Variants in NEDD4 observed in about 807,000 individuals in gnomAD.
The protein encoded by NEDD4 is NEDD4 E3 ubiquitin protein ligase.
NEDD4 carries 99 observed loss-of-function variants against 144.9 expected under a neutral mutation model. The observed-to-expected ratio is 0.68, with a 90% confidence interval of 0.58 to 0.81. The LOEUF is 0.81. Among genes scored for constraint, NEDD4 ranks in the 30% least tolerant of loss-of-function variants. The pLI, the probability that NEDD4 is intolerant of heterozygous loss-of-function variation, is 0.00. For synonymous variants in NEDD4, 318 were observed against 350.6 expected (o/e 0.91, Z 1.04); for missense variants, 985 against 1,065.9 (o/e 0.92, Z 1.06).
At chr15:55,901,042 T>C (rs2035899365) in intron 5 of NEDD4, among the ~76,000 whole-genome samples, 2 of 152,146 alleles carry the variant, frequency 1.3e-5, no homozygotes, top group East Asian at 3.9e-4. Flanking sequence ...TAGCGAAAAC[T>C]GGTATCTAAC....
chr15:55,904,030 C>T (rs1327411301), intron 5 of NEDD4, among the ~76,000 whole-genome samples: 1 of 151,602 alleles, frequency 6.6e-6, no homozygotes, highest in African/African-American at 2.4e-5. Flanking sequence ...GATGTGGTGG[C>T]GGGCACCAGT....
intron 24 of NEDD4, among the ~76,000 whole-genome samples, chr15:55,834,505 T>C (rs552732883): frequency 4.8e-4 from 71 of 148,470 alleles, no homozygotes; most frequent in African/African-American, 1.6e-3. Context: ...TTTTAAAACT[T>C]CCTGTGGCCA....
intron 4 of NEDD4, among the ~76,000 whole-genome samples, chr15:55,944,946 A>G (rs551571309): frequency 2.0e-4 from 31 of 152,294 alleles, no homozygotes; most frequent in African/African-American, 7.2e-4. Flanking sequence ...AAACTAACAA[A>G]CACAAAGGAA....
intron 5 of NEDD4, among the ~76,000 whole-genome samples, chr15:55,903,134 A>ACATT (rs1389142099): frequency 6.6e-6 from 1 of 152,212 alleles, no homozygotes; most frequent in East Asian, 1.9e-4. Context: ...TCTGGACTAT[A>ACATT]CATTCTTCAG....
chr15:55,885,975 A>G (rs1248918973), intron 5 of NEDD4, among the ~76,000 whole-genome samples: 1 of 152,140 alleles, frequency 6.6e-6, no homozygotes, highest in African/African-American at 2.4e-5. Flanking sequence ...TTTCACCTAT[A>G]AAGACATAAA....
chr15:55,910,934 A>G (rs1485150849), intron 5 of NEDD4, among the ~76,000 whole-genome samples: 3 of 121,794 alleles, frequency 2.5e-5, no homozygotes, highest in Non-Finnish European at 5.3e-5. Context: ...CCATTGCCCA[A>G]CTACTTAACT....
At chr15:55,967,466 G>GTGTGTGTGTGTA (rs2142331589) in intron 1 of NEDD4, among the ~76,000 whole-genome samples, 1 of 144,260 alleles carries the variant, frequency 6.9e-6, no homozygotes, top group Admixed American at 7.0e-5. Context: ...GTGTGTGTGT[G>GTGTGTGTGTGTA]TGTGTGTGTA....
At chr15:55,908,802 A>T (rs1201298733) in intron 5 of NEDD4, among the ~76,000 whole-genome samples, 1 of 152,206 alleles carries the variant, frequency 6.6e-6, no homozygotes. Context: ...CTACACAGGA[A>T]GCTGAGGCAA....
At chr15:55,893,646 T>C (rs573156887) in intron 5 of NEDD4, among the ~76,000 whole-genome samples, 5 of 151,454 alleles carry the variant, frequency 3.3e-5, no homozygotes, top group Admixed American at 6.6e-5. Flanking sequence ...CGCACATGAG[T>C]GTCTCAGAAA....
rs538893893 is a variant in NEDD4, at chr15:55,971,713, A to T, written c.46-5167T>A. On this transcript the variant is annotated intron_variant, in intron 1 of 28. Coordinates refer to ENST00000435532, the MANE Select transcript of NEDD4 (RefSeq NM_006154.4). ...TTTATTCAGAGAAATAATAACAAAGAACTTTCTAGGCCTAGAAAAAGATAT... is the reference window on the plus strand; with the variant it reads ...TTTATTCAGAGAAATAATAACAAAGTACTTTCTAGGCCTAGAAAAAGATAT... Among the ~76,000 whole-genome samples the T allele has an allele frequency of 3.9e-5, 6 of 152,236 alleles. No individual in the cohort carries two copies. In the South Asian group the frequency reaches 1.2e-3, roughly 32 times the overall value.
At chr15:55,951,317 T>C (rs1473004742) in intron 4 of NEDD4, 59 bp downstream of exon 4, 3 of 712,330 alleles carry the variant, frequency 4.2e-6, no homozygotes, top group Non-Finnish European at 6.8e-6. Flanking sequence ...TTTATCATTC[T>C]AACCTCCTAA....
chr15:55,939,443 T>C lies in NEDD4; in HGVS notation c.237+11933A>G, dbSNP rs80088766. 5.9e-5 allele frequency among the ~76,000 whole-genome samples: 9 copies of C among 152,192 alleles called. No homozygotes were observed. In the East Asian group the frequency reaches 1.2e-3, roughly 20 times the overall value. On this transcript the variant is annotated intron_variant, in intron 4 of 28. Coordinates refer to ENST00000435532, the MANE Select transcript of NEDD4 (RefSeq NM_006154.4). ...GGAACTGTGAGTCAGTTAAACCTCCTTTGTTTATAAATTACCCAGTCTCAG... is the reference window on the plus strand; with the variant it reads ...GGAACTGTGAGTCAGTTAAACCTCCCTTGTTTATAAATTACCCAGTCTCAG...
At chr15:55,839,558 A>C (rs945419871) in intron 21 of NEDD4, among the ~76,000 whole-genome samples, 3 of 152,180 alleles carry the variant, frequency 2.0e-5, no homozygotes, top group South Asian at 2.1e-4. Flanking sequence ...GTGAACACAC[A>C]TTGTGTGAGG....
chr15:55,847,888 C>T (rs775267675), intron 17 of NEDD4, among the ~76,000 whole-genome samples: 37 of 152,014 alleles, frequency 2.4e-4, no homozygotes, highest in Non-Finnish European at 3.7e-4. Context: ...CCACGTTGGC[C>T]GGGCCGGTCT....
intron 13 of NEDD4, among the ~76,000 whole-genome samples, chr15:55,851,405 A>G (rs1233891360): frequency 6.6e-6 from 1 of 151,928 alleles, no homozygotes; most frequent in East Asian, 1.9e-4. Context: ...ACCTCATTCT[A>G]TAAAATAAAA....
At chr15:55,941,045 T>A (rs543532244) in intron 4 of NEDD4, among the ~76,000 whole-genome samples, 1 of 152,308 alleles carries the variant, frequency 6.6e-6, no homozygotes, top group African/African-American at 2.4e-5. Context: ...TAAAATTAGT[T>A]ACAATATTAC....
chr15:55,869,816 A>C (rs530693630), intron 7 of NEDD4, 135 bp from the exon 8 acceptor site: 1 of 528,172 alleles, frequency 1.9e-6, no homozygotes, highest in South Asian at 2.7e-5. Context: ...TCCAGGGCAG[A>C]AGATATCTAG....
chr15:55,917,075 C>T, intron 5 of NEDD4: 1 of 1,237,224 alleles, frequency 8.1e-7, no homozygotes, highest in Non-Finnish European at 1.0e-6. Flanking sequence ...AGTCAAAATG[C>T]CTTCACTTAC....
chr15:55,899,641 G>A (rs751167440), intron 5 of NEDD4, among the ~76,000 whole-genome samples: 1 of 152,168 alleles, frequency 6.6e-6, no homozygotes, highest in Non-Finnish European at 1.5e-5. Context: ...AGCTTTAGGC[G>A]TTTTCCTCAA....
Sources: allele counts gnomAD v4.1 joint callset (sites outside exome capture counted in the v4.1 genomes callset), GRCh38; gene constraint gnomAD v4.1.1; transcripts MANE v1.5; gene names NCBI Gene and HGNC (gene_info 2026-07-23, HGNC 2026-07-21).